The following AGMO variants were observed in gnomAD, a reference collection of about 807,000 sequenced individuals.
The protein encoded by AGMO is alkylglycerol monooxygenase, also known as glyceryl-ether monooxygenase.
AGMO carries 75 observed loss-of-function variants against 60.2 expected under a neutral mutation model. The ratio of observed to expected loss-of-function variants is 1.25; its 90% CI spans 1.03 to 1.51. The LOEUF is 1.51. Ranked by LOEUF, AGMO falls within the 40% of genes most tolerant of loss-of-function variation. The probability of loss-of-function intolerance (pLI) is 0.00; values close to 1 mark genes in which losing one functional copy is unlikely to be tolerated. For synonymous variants in AGMO, 261 were observed against 177.1 expected, an observed-to-expected ratio of 1.47 and a Z score of -3.76; for missense variants, 763 against 525.5, an observed-to-expected ratio of 1.45 and a Z score of -4.42.
chr7:15,527,639 A>C (rs922420104), intron 3 of AGMO, among the ~76,000 whole-genome samples: 1 of 152,232 alleles, frequency 6.6e-6, no homozygotes, highest in Non-Finnish European at 1.5e-5. Flanking sequence ...ATAGATTTTC[A>C]TTGTAGACTA....
Position 15,390,926 on chromosome 7 carries a change from A to C in AGMO, c.677-21T>G, listed in dbSNP as rs779177626. On this transcript the variant is annotated intron_variant, in intron 6 of 12. Transcript: ENST00000342526. ...TCTGCCTATGAGACAAAATATTAGAAATTTTTTTTCAGAAAAATAGTTATG... is the reference window on the plus strand; with the variant it reads ...TCTGCCTATGAGACAAAATATTAGACATTTTTTTTCAGAAAAATAGTTATG... The C allele has an allele frequency of 6.6e-6, 10 of 1,511,542 alleles. No homozygotes were observed. The Admixed American group carries it at 7.7e-5, about 12-fold the overall frequency. 93.6% of individuals were successfully genotyped at this position (1,511,542 alleles called of 1,614,324 possible). A position where few individuals can be genotyped will look rare whatever the true frequency, so the allele number is the denominator to read the frequency against.
intron 3 of AGMO, among the ~76,000 whole-genome samples, chr7:15,521,218 G>A (rs757489447): frequency 1.2e-4 from 18 of 151,892 alleles, no homozygotes; most frequent in South Asian, 2.1e-4. Context: ...CCTACCAACC[G>A]CAAAAAGGCA....
the AGMO span, among the ~76,000 whole-genome samples, chr7:15,159,988 T>C: frequency 6.6e-6 from 1 of 152,158 alleles, no homozygotes; most frequent in Admixed American, 6.6e-5. Context: ...AAAGTGCTGC[T>C]TCACTTTTAT....
At chr7:15,531,084 A>ATATATATATTC (rs1252930527) in intron 3 of AGMO, among the ~76,000 whole-genome samples, 1 of 5,634 alleles carries the variant, frequency 1.8e-4, no homozygotes. Flanking sequence ...TATATATTCT[A>ATATATATATTC]TATATATATT....
At chr7:15,505,892 G>C (rs1414716350) in intron 3 of AGMO, among the ~76,000 whole-genome samples, 1 of 151,984 alleles carries the variant, frequency 6.6e-6, no homozygotes, top group African/African-American at 2.4e-5. Flanking sequence ...ACTTTTTAAA[G>C]TTTAATAGTT....
rs1318328014 is a variant in AGMO, at chr7:15,390,769, G to C, written c.743-19C>G. ...AATGTCCCTGGAAGATAAATATAAA[G>C]ATATGAGATTTGGCTTCCTGTAAAG... On this transcript the variant is annotated intron_variant, in intron 7 of 12. Transcript: ENST00000342526. 4 of 1,599,332 alleles carry C rather than the reference G, an allele frequency of 2.5e-6. No homozygotes were observed. Among genetic ancestry groups the C allele is most frequent in the African/African-American group, 2.7e-5 (2 of 74,644 alleles).
chr7:15,366,358 G>T (rs532565160), intron 10 of AGMO, 136 bp from the exon 11 acceptor site: 3 of 523,074 alleles, frequency 5.7e-6, no homozygotes, highest in African/African-American at 3.9e-5. Context: ...CAGAAAGCTT[G>T]ACTACACAGA....
chr7:15,211,507 G>C (rs903682818), intron 12 of AGMO, among the ~76,000 whole-genome samples: 1 of 151,776 alleles, frequency 6.6e-6, no homozygotes, highest in African/African-American at 2.4e-5. Flanking sequence ...TTGATCATTT[G>C]TTTGGAGTAT....
In AGMO at chr7:15,366,188, C is replaced by G; in HGVS notation, c.1109G>C (p.Cys370Ser). 6.2e-7 allele frequency: 1 copy of G among 1,608,974 alleles called. No homozygotes were observed. The highest frequency in any genetic ancestry group is 8.5e-7 in the Non-Finnish European group (1 of 1,177,100). ...LSQVTLLLRVCFIILTLTSIG... is the reference protein window; with the variant it reads ...LSQVTLLLRVSFIILTLTSIG... The stretch of plus-strand genomic sequence containing the variant: ...GGAAGTCAAGGTCAGGATAATGAAG[C>G]AAACCCTCAGAAGGAGAGTAACTTG... Residue 370 changes from cysteine (C) to serine (S), a missense_variant, in exon 11 of 13, where the codon TGC becomes TCC. Physicochemically the swap from Cys to Ser is moderately radical, Grantham distance 112 (BLOSUM62 -1). Coordinates refer to ENST00000342526, the MANE Select transcript of AGMO (RefSeq NM_001004320.2).
chr7:15,210,236 A>C (rs1781549578), intron 12 of AGMO, among the ~76,000 whole-genome samples: 1 of 152,146 alleles, frequency 6.6e-6, no homozygotes, highest in African/African-American at 2.4e-5. Flanking sequence ...ACCCAGGCAA[A>C]AAGCAATCAG....
At chr7:15,397,422 C>T (rs1456034959) in intron 5 of AGMO, among the ~76,000 whole-genome samples, 1 of 152,094 alleles carries the variant, frequency 6.6e-6, no homozygotes, top group Non-Finnish European at 1.5e-5. Flanking sequence ...GAGTCGGCTC[C>T]GGCCTCGGCC....
chr7:15,520,592 A>C (rs1334367350), intron 3 of AGMO, among the ~76,000 whole-genome samples: 17 of 152,224 alleles, frequency 1.1e-4, no homozygotes, highest in Admixed American at 8.5e-4. Context: ...CTGCTCCTGC[A>C]TGACTACTGG....
At chr7:15,396,623 C>A (rs1583507016) in intron 5 of AGMO, 1 of 151,924 alleles carries the variant, frequency 6.6e-6, no homozygotes, top group Non-Finnish European at 1.5e-5. Context: ...CGGCCCCGCC[C>A]CCTCCCCCAC....
At chr7:15,330,359 C>T (rs1781462615) in intron 12 of AGMO, among the ~76,000 whole-genome samples, 1 of 152,152 alleles carries the variant, frequency 6.6e-6, no homozygotes, top group African/African-American at 2.4e-5. Flanking sequence ...CAGAAATGGG[C>T]TTGTTCTTAT....
chr7:15,147,746 G>A, the AGMO span, among the ~76,000 whole-genome samples: 1 of 152,090 alleles, frequency 6.6e-6, no homozygotes, highest in East Asian at 1.9e-4. Context: ...ATCAAAGAGG[G>A]AAAAATATAT....
At chr7:15,325,546 T>C (rs1259204449) in intron 12 of AGMO, among the ~76,000 whole-genome samples, 1 of 152,056 alleles carries the variant, frequency 6.6e-6, no homozygotes, top group East Asian at 1.9e-4. Context: ...CACCTATACA[T>C]GCACACATAC....
intron 3 of AGMO, among the ~76,000 whole-genome samples, chr7:15,536,863 T>A (rs1784496277): frequency 6.6e-6 from 1 of 152,000 alleles, no homozygotes; most frequent in Non-Finnish European, 1.5e-5. Context: ...AATTTAGTCA[T>A]AATTATACTT....
chr7:15,154,521 A>C, the AGMO span, among the ~76,000 whole-genome samples: 2 of 152,164 alleles, frequency 1.3e-5, no homozygotes, highest in Non-Finnish European at 2.9e-5. Flanking sequence ...AGGTCTCTTC[A>C]AGACAGCATT....
intron 5 of AGMO, among the ~76,000 whole-genome samples, chr7:15,398,393 C>T (rs1784468481): frequency 6.6e-6 from 1 of 152,102 alleles, no homozygotes; most frequent in Admixed American, 6.5e-5. Context: ...CCAAGTACAA[C>T]ACAGTCAACC....
Sources: gnomAD v4.1 joint callset for allele counts (sites outside exome capture counted in the v4.1 genomes callset) on GRCh38, gnomAD v4.1.1 for gene constraint, MANE v1.5 for transcripts, NCBI Gene and HGNC (gene_info 2026-07-23, HGNC 2026-07-21) for gene names.